The following PTPRN2 variants were observed in gnomAD, a reference collection of about 807,000 sequenced individuals.
PTPRN2 encodes receptor-type tyrosine-protein phosphatase N2.
A neutral mutation model predicts 118.8 loss-of-function variants in PTPRN2; 74 were observed. That is an observed-to-expected ratio of 0.62 (90% CI 0.52 to 0.76). The LOEUF is 0.76. Among genes scored for constraint, PTPRN2 ranks in the 30% least tolerant of loss-of-function variants. PTPRN2 has a pLI of 0.00. For synonymous variants in PTPRN2, 641 were observed against 608.0 expected (o/e 1.05, Z -0.80); for missense variants, 1,481 against 1,394.4 (o/e 1.06, Z -0.99).
chr7:158,142,968 C>A (rs1440719414), intron 6 of PTPRN2, among the ~76,000 whole-genome samples: 1 of 152,158 alleles, frequency 6.6e-6, no homozygotes, highest in Admixed American at 6.5e-5. Flanking sequence ...AAATGTGCTG[C>A]TCATTGCAGC....
At chr7:158,380,792 C>A (rs1432349888) in intron 2 of PTPRN2, among the ~76,000 whole-genome samples, 1 of 152,258 alleles carries the variant, frequency 6.6e-6, no homozygotes, top group Non-Finnish European at 1.5e-5. Flanking sequence ...CTGGAGCCAA[C>A]TTCTGCCTGG....
At chr7:158,129,885 C>G (rs927890453) in intron 9 of PTPRN2, among the ~76,000 whole-genome samples, 1 of 152,160 alleles carries the variant, frequency 6.6e-6, no homozygotes, top group African/African-American at 2.4e-5. Context: ...AGGGCACAGA[C>G]AGACACGTGG....
chr7:157,630,006 A>T (rs925800455), intron 14 of PTPRN2, among the ~76,000 whole-genome samples: 9 of 152,192 alleles, frequency 5.9e-5, no homozygotes, highest in African/African-American at 2.2e-4. Flanking sequence ...AAACACAGTC[A>T]CCTGTCTTCA....
intron 11 of PTPRN2, among the ~76,000 whole-genome samples, chr7:157,992,145 TATC>T (rs1299816501): frequency 5.9e-5 from 9 of 152,354 alleles, no homozygotes; most frequent in Middle Eastern, 3.4e-3. Context: ...TTTTTAATTA[TATC>T]ATCTAATACA....
chr7:158,383,301 T>C (rs542047533), intron 2 of PTPRN2, among the ~76,000 whole-genome samples: 6 of 152,372 alleles, frequency 3.9e-5, no homozygotes, highest in South Asian at 4.1e-4. Flanking sequence ...GCACTTCTAT[T>C]AGTGAATGTA....
intron 22 of PTPRN2, among the ~76,000 whole-genome samples, chr7:157,544,872 T>C (rs1391210168): frequency 6.6e-6 from 1 of 151,620 alleles, no homozygotes; most frequent in Non-Finnish European, 1.5e-5. Context: ...TGTGTGGATG[T>C]GCATCGTGTG....
chr7:158,438,290 T>C lies in PTPRN2; in HGVS notation c.163+51445A>G, dbSNP rs1563291727. Among the ~76,000 whole-genome samples, 3 of 152,034 alleles carry C rather than the reference T, an allele frequency of 2.0e-5. No individual in the cohort carries two copies. Among genetic ancestry groups the C allele is most frequent in the African/African-American group, 2.4e-5 (1 of 41,390 alleles). On this transcript the variant is annotated intron_variant, in intron 2 of 22. Transcript: ENST00000389418. The surrounding 1 kb of genome is among the most constrained non-coding windows in gnomAD (Gnocchi z 4.7). ...CTACTGGGAGGCTGAGGCAGGAGAATTGCTTGAACCTGGGAGGCAGAAGTT... is the reference window on the plus strand; with the variant it reads ...CTACTGGGAGGCTGAGGCAGGAGAACTGCTTGAACCTGGGAGGCAGAAGTT...
chr7:157,837,184 C>A (rs146050331), intron 12 of PTPRN2, among the ~76,000 whole-genome samples: 19 of 145,116 alleles, frequency 1.3e-4, no homozygotes, highest in African/African-American at 5.0e-4. Flanking sequence ...CCCACCCATC[C>A]ACCCACCCAT....
intron 19 of PTPRN2, among the ~76,000 whole-genome samples, chr7:157,576,235 C>T (rs111423958): frequency 1.3e-5 from 2 of 152,300 alleles, no homozygotes; most frequent in African/African-American, 2.4e-5. Context: ...GGCCTGCGCT[C>T]GCTACCTCTT....
chr7:158,061,114 C>T lies in PTPRN2; in HGVS notation c.1723+20184G>A, dbSNP rs141266207. 5.2e-3 allele frequency among the ~76,000 whole-genome samples: 799 copies of T among 152,346 alleles called. 10 individuals are homozygous for T. Among genetic ancestry groups the T allele is most frequent in the African/African-American group, 0.017 (717 of 41,580 alleles). On this transcript the variant is annotated intron_variant, in intron 11 of 22. Coordinates refer to ENST00000389418, the MANE Select transcript of PTPRN2 (RefSeq NM_002847.5). ...GGCTTTGTCCGTGTCGCTCAGCTGC[C>T]GGCTCACTGAAGGGTGGTCATGGAA...
At chr7:157,914,884 C>T (rs993140130) in intron 11 of PTPRN2, among the ~76,000 whole-genome samples, 4 of 152,076 alleles carry the variant, frequency 2.6e-5, no homozygotes, top group Non-Finnish European at 4.4e-5. Context: ...TAGAAAATTT[C>T]TTAGTTCTAT....
chr7:157,858,116 A>C (rs994298348), intron 12 of PTPRN2, among the ~76,000 whole-genome samples: 1 of 61,304 alleles, frequency 1.6e-5, no homozygotes, highest in African/African-American at 7.1e-5. Flanking sequence ...AGAGCCTCCC[A>C]GCCACCACCC....
chr7:158,406,071 CCGCAG>C (rs1156446040), intron 2 of PTPRN2, among the ~76,000 whole-genome samples: 22 of 113,048 alleles, frequency 1.9e-4, no homozygotes, highest in Non-Finnish European at 3.9e-4. Flanking sequence ...CACTGAGATC[CCGCAG>C]TGGCTCATCC....
At chr7:158,340,824 C>A (rs62493621) in intron 2 of PTPRN2, among the ~76,000 whole-genome samples, 1 of 88,622 alleles carries the variant, frequency 1.1e-5, no homozygotes, top group African/African-American at 4.3e-5. Flanking sequence ...ATGTCACTCA[C>A]ACCCACACTC....
chr7:158,374,337 G>T (rs1445263325), intron 2 of PTPRN2, among the ~76,000 whole-genome samples: 2 of 152,156 alleles, frequency 1.3e-5, no homozygotes, highest in East Asian at 3.9e-4. Flanking sequence ...GGCCAATGCT[G>T]CAGGCCAAGA....
chr7:157,577,963 C>A, intron 18 of PTPRN2, 58 bp downstream of exon 18: 1 of 1,497,374 alleles, frequency 6.7e-7, no homozygotes, highest in Non-Finnish European at 9.0e-7. Context: ...GGAGGAGGAG[C>A]AGGGCCCGTC....
At chr7:158,150,892 C>G (rs1820953442) in intron 6 of PTPRN2, among the ~76,000 whole-genome samples, 1 of 152,028 alleles carries the variant, frequency 6.6e-6, no homozygotes, top group Admixed American at 6.6e-5. Flanking sequence ...TGGAATTATC[C>G]TACTGGTTTG....
intron 1 of PTPRN2, among the ~76,000 whole-genome samples, chr7:158,508,426 A>C (rs957290486): frequency 6.6e-6 from 1 of 152,180 alleles, no homozygotes; most frequent in African/African-American, 2.4e-5. Context: ...TGCATGGATC[A>C]TCAGGGCCAG....
intron 20 of PTPRN2, among the ~76,000 whole-genome samples, chr7:157,569,656 C>CT (rs1563221376): frequency 6.6e-6 from 1 of 152,178 alleles, no homozygotes; most frequent in Non-Finnish European, 1.5e-5. Context: ...AAAAATTTCC[C>CT]TTTTTTTCTG....
Sources: gnomAD v4.1 joint callset for allele counts (sites outside exome capture counted in the v4.1 genomes callset) on GRCh38, gnomAD v4.1.1 for gene constraint, Gnocchi (gnomAD v3.1) non-coding constraint, MANE v1.5 for transcripts, NCBI Gene and HGNC (gene_info 2026-07-23, HGNC 2026-07-21) for gene names.